DCP2: variants seen among roughly 807,000 people sequenced by gnomAD.
The protein encoded by DCP2 is decapping mRNA 2.
Under a neutral mutation model 56.1 loss-of-function variants are expected in DCP2, and 30 were observed. The observed-to-expected ratio is 0.53, with a 90% CI of 0.40 to 0.73. The LOEUF (loss-of-function observed/expected upper bound fraction) is 0.73, where lower values mean the gene tolerates loss of function less well. DCP2 is among the 30% of genes least tolerant of loss of function. The pLI is 0.00. For missense variants in DCP2, 533 were observed against 502.7 expected (o/e 1.06, Z -0.58); for synonymous variants, 197 against 163.3 (o/e 1.21, Z -1.57).
At chr5:113,008,645 A>T (rs1027730373) in intron 9 of DCP2, among the ~76,000 whole-genome samples, 1 of 152,108 alleles carries the variant, frequency 6.6e-6, no homozygotes, top group African/African-American at 2.4e-5. Flanking sequence ...AGTAATTTCA[A>T]ATTTTTAGCA....
intron 1 of DCP2, among the ~76,000 whole-genome samples, chr5:112,981,200 A>C (rs1248072597): frequency 2.0e-5 from 3 of 151,860 alleles, no homozygotes; most frequent in Non-Finnish European, 4.4e-5. Context: ...TTTGGTAGAG[A>C]TGGGATCTTT....
At chr5:112,995,093 T>A (rs1362931381) in intron 4 of DCP2, among the ~76,000 whole-genome samples, 1 of 152,234 alleles carries the variant, frequency 6.6e-6, no homozygotes, top group East Asian at 1.9e-4. Context: ...TTAGTGGTTA[T>A]TCACTTTGTA....
rs547048644 is a variant in DCP2 at position 113,015,791 on chromosome 5, A to G, written c.*2307A>G. 1.3e-5 allele frequency: 2 copies of G among 152,776 alleles called. No individual in the cohort carries two copies. The highest frequency in any genetic ancestry group is 2.1e-4 in the South Asian group (1 of 4,828). 9.5% of individuals were successfully genotyped at this position (152,776 alleles called of 1,614,324 possible). On this transcript the variant is annotated 3_prime_UTR_variant, in exon 11 of 11. Coordinates refer to ENST00000389063, the MANE Select transcript of DCP2 (RefSeq NM_152624.6). ...ATACTTATTCTCTCAAACCTGGGTA[A>G]TAGTTTCTCAGTGTTCAGGTTACCT... is the stretch of plus-strand genomic sequence containing the variant.
In DCP2 at chr5:113,018,378, G is replaced by A. The variant is rs1749975493; in HGVS notation, c.*4894G>A. The A allele has an allele frequency of 6.6e-6, 1 of 152,198 alleles. No homozygotes were observed. The highest frequency in any genetic ancestry group is 1.5e-5 in the Non-Finnish European group (1 of 68,034). 9.4% of individuals were successfully genotyped at this position (152,198 alleles called of 1,614,324 possible). ...CAATAAAAACATTCCATTTATCTTG[G>A]ATCTTCTGTGGTTAGCAGAGGAGTA... On this transcript the variant is annotated 3_prime_UTR_variant, in exon 11 of 11. Transcript: ENST00000389063.
chr5:113,005,908 G>A lies in DCP2; in HGVS notation c.942+1831G>A, dbSNP rs965632749. Among the ~76,000 whole-genome samples the A allele has an allele frequency of 1.2e-4, 19 of 152,044 alleles. 1 individual carries two copies. The highest frequency in any genetic ancestry group is 5.2e-4 in the Admixed American group (8 of 15,260). ...ATCTCTTTGGTAGGCTGAGGCAGGC[G>A]GATTATTTGAGCCCAGTAGTTCGAG... On this transcript the variant is annotated intron_variant, in intron 8 of 10. Transcript: ENST00000389063.
chr5:112,999,410 C>T (rs1405314838), intron 4 of DCP2, among the ~76,000 whole-genome samples: 1 of 151,966 alleles, frequency 6.6e-6, no homozygotes, highest in Non-Finnish European at 1.5e-5. Context: ...TCACTGCAAC[C>T]TCCATTTCCT....
chr5:113,008,002 C>G lies in DCP2; in HGVS notation c.1007C>G (p.Thr336Arg), dbSNP rs1322296488. 3.7e-6 allele frequency: 6 copies of G among 1,613,780 alleles called. No homozygotes were observed. The highest frequency in any genetic ancestry group is 5.1e-6 in the Non-Finnish European group (6 of 1,179,890). The stretch of plus-strand genomic sequence containing the variant: ...GATTCACCTAATCAAAAGAAAAGAA[C>G]AAATGGGCTTCAGCCAGCAAAGCAG... ...YQDSPNQKKR[T>R]NGLQPAKQQN... is the part of the protein sequence containing the mutation. Residue 336 changes from threonine (T) to arginine (R), a missense_variant, in exon 9 of 11, where the codon ACA becomes AGA. By Grantham distance (71) the Thr-to-Arg change is moderately conservative. Around this residue, in one of 3 missense-constraint regions of DCP2, gnomAD observed 392 missense variants for 346.6 expected, o/e 1.13. Coordinates refer to ENST00000389063, the MANE Select transcript of DCP2 (RefSeq NM_152624.6).
Position 113,017,935 on chromosome 5 carries a change from TA to T in DCP2, c.*4454del, listed in dbSNP as rs1749959093. ...TGATTGCCAAGCAATCCAGTGAATC[TA>T]AAGTAATTTTTCTCACTTTAAAGAC... On this transcript the variant is annotated 3_prime_UTR_variant, in exon 11 of 11. Coordinates refer to ENST00000389063, the MANE Select transcript of DCP2 (RefSeq NM_152624.6). 6.6e-6 allele frequency: 1 copy of T among 152,198 alleles called. No homozygotes were observed. The highest frequency in any genetic ancestry group is 2.4e-5 in the African/African-American group (1 of 41,464). 9.4% of individuals were successfully genotyped at this position (152,198 alleles called of 1,614,324 possible). A position where few individuals can be genotyped will look rare whatever the true frequency, so the allele number is the denominator to read the frequency against.
intron 4 of DCP2, among the ~76,000 whole-genome samples, chr5:112,997,581 C>G (rs923111457): frequency 2.0e-5 from 3 of 151,534 alleles, no homozygotes; most frequent in African/African-American, 7.3e-5. Flanking sequence ...TACACTGCTG[C>G]TCTTTGGGTT....
intron 4 of DCP2, among the ~76,000 whole-genome samples, chr5:112,999,763 A>G (rs1749051608): frequency 6.6e-6 from 1 of 151,712 alleles, no homozygotes; most frequent in African/African-American, 2.4e-5. Flanking sequence ...CTGAGTAACT[A>G]GAAAAACAGG....
intron 9 of DCP2, among the ~76,000 whole-genome samples, chr5:113,010,015 C>A (rs1441074894): frequency 6.7e-6 from 1 of 148,330 alleles, no homozygotes; most frequent in African/African-American, 2.5e-5. Flanking sequence ...TGGGCTCAAG[C>A]CATTTTCTTG....
At chr5:112,998,328 C>T (rs1487545067) in intron 4 of DCP2, among the ~76,000 whole-genome samples, 4 of 152,078 alleles carry the variant, frequency 2.6e-5, no homozygotes, top group Admixed American at 6.6e-5. Flanking sequence ...TTGGCAAACT[C>T]CTATTTATCT....
chr5:112,989,047 T>C (rs10079937), intron 2 of DCP2, among the ~76,000 whole-genome samples: 4,781 of 152,288 alleles, frequency 0.031, 242 homozygotes, highest in African/African-American at 0.11. Flanking sequence ...AGTAACTTCA[T>C]GGTTACTCTG....
In DCP2 at chr5:113,015,840, C is replaced by G. The variant is rs536935374; in HGVS notation, c.*2356C>G. 1 of 152,752 alleles carries G rather than the reference C, an allele frequency of 6.5e-6. No individual in the cohort carries two copies. The highest frequency in any genetic ancestry group is 1.9e-4 in the East Asian group (1 of 5,186). The allele number at this position is 152,752 out of a possible 1,614,324, so 9.5% of individuals were successfully genotyped here. A position where few individuals can be genotyped will look rare whatever the true frequency, so the allele number is the denominator to read the frequency against. On this transcript the variant is annotated 3_prime_UTR_variant, in exon 11 of 11. Coordinates refer to ENST00000389063, the MANE Select transcript of DCP2 (RefSeq NM_152624.6). ...CTTGAGAAAGGCCATGCTTAGCGAACTGGATTTCTCCTTTGAGAAATTTTA... is the reference window on the plus strand; with the variant it reads ...CTTGAGAAAGGCCATGCTTAGCGAAGTGGATTTCTCCTTTGAGAAATTTTA...
At position 113,013,311 on chromosome 5, in the gene DCP2, C is replaced by CT; in HGVS notation, c.1100-7dup. 6.2e-7 allele frequency: 1 copy of CT among 1,601,058 alleles called. No homozygotes were observed. Among genetic ancestry groups the CT allele is most frequent in the African/African-American group, 1.3e-5 (1 of 74,302 alleles). On this transcript the variant is annotated splice_polypyrimidine_tract_variant and intron_variant, in intron 10 of 10. Coordinates refer to ENST00000389063, the MANE Select transcript of DCP2 (RefSeq NM_152624.6). ...ACTGAGCTTATTTATTTTGTTTTTT[C>CT]TTTAAACAGATGCTGTATATGACTT...
chr5:112,992,287 A>G (rs777672998), intron 3 of DCP2, 39 bp downstream of exon 3: 11 of 1,581,020 alleles, frequency 7.0e-6, no homozygotes, highest in East Asian at 4.6e-5. Flanking sequence ...TGAAATGGTG[A>G]TCGTTAATCT....
At chr5:112,999,018 A>C (rs1222814589) in intron 4 of DCP2, among the ~76,000 whole-genome samples, 1 of 152,170 alleles carries the variant, frequency 6.6e-6, no homozygotes, top group African/African-American at 2.4e-5. Flanking sequence ...TACTTGCTGC[A>C]TTTGCATTTA....
chr5:113,004,039 A>C lies in DCP2; in HGVS notation c.904A>C (p.Asn302His), dbSNP rs755274029. 3.7e-6 allele frequency: 6 copies of C among 1,614,036 alleles called. No homozygotes were observed. Among genetic ancestry groups the C allele is most frequent in the South Asian group, 1.1e-5 (1 of 91,078 alleles). Residue 302 changes from asparagine to histidine, a missense_variant, in exon 8 of 11, where the codon AAT becomes CAT. Asn to His is a moderately conservative substitution (Grantham distance 68). Transcript: ENST00000389063. ...GCAACCACTGCAGCAAAAGCCATAT[A>C]ATAATCATTCTGAAATGTCTGACCT... The part of the protein sequence containing the change: ...HRQPLQQKPY[N>H]NHSEMSDLLK...
chr5:113,012,388 A>G (rs980848428), intron 10 of DCP2, among the ~76,000 whole-genome samples: 1 of 152,206 alleles, frequency 6.6e-6, no homozygotes, highest in Non-Finnish European at 1.5e-5. Flanking sequence ...AACTTGGTAT[A>G]TCGATCTTAG....
Sources: allele counts gnomAD v4.1 joint callset (sites outside exome capture counted in the v4.1 genomes callset), GRCh38; gene constraint gnomAD v4.1.1; regional missense constraint gnomAD v4.1.1; transcripts MANE v1.5; gene names NCBI Gene and HGNC (gene_info 2026-07-23, HGNC 2026-07-21).